AFDN: variants seen among roughly 807,000 people sequenced by gnomAD.
The protein encoded by AFDN is afadin.
A neutral mutation model predicts 216.6 loss-of-function variants in AFDN; 68 were observed. The ratio of observed to expected loss-of-function variants is 0.31; its 90% CI spans 0.26 to 0.38. The LOEUF is 0.38. Ranked by LOEUF, AFDN falls within the 10% of genes least tolerant of loss-of-function variation. The pLI is 1.00. For synonymous variants in AFDN, 868 were observed against 853.7 expected, an observed-to-expected ratio of 1.02 and a Z score of -0.29; for missense variants, 2,136 against 2,342.0, an observed-to-expected ratio of 0.91 and a Z score of 1.82.
At chr6:167,896,729 A>G (rs1788304494) in intron 9 of AFDN, 149 bp from the exon 10 acceptor site, 1 of 553,992 alleles carries the variant, frequency 1.8e-6, no homozygotes, top group Non-Finnish European at 3.2e-6. Context: ...AGTTTGTTAA[A>G]TTGTGTTACA....
At chr6:167,939,343 G>A (rs1284223562) in intron 23 of AFDN, among the ~76,000 whole-genome samples, 1 of 152,186 alleles carries the variant, frequency 6.6e-6, no homozygotes, top group African/African-American at 2.4e-5. Flanking sequence ...CTGATGTTCA[G>A]TAATCATTGC....
intron 11 of AFDN, among the ~76,000 whole-genome samples, chr6:167,900,851 C>T (rs1788855889): frequency 6.6e-6 from 1 of 152,126 alleles, no homozygotes; most frequent in Non-Finnish European, 1.5e-5. Context: ...AGGGCATTTC[C>T]ATGTTTTTGT....
At chr6:167,941,786 C>T (rs1438727858) in intron 23 of AFDN, among the ~76,000 whole-genome samples, 4 of 149,718 alleles carry the variant, frequency 2.7e-5, no homozygotes, top group Non-Finnish European at 5.9e-5. Flanking sequence ...AGGGTGGAAA[C>T]CATCCACAGG....
At chr6:167,847,756 A>G (rs1024290448) in intron 1 of AFDN, among the ~76,000 whole-genome samples, 6 of 152,094 alleles carry the variant, frequency 3.9e-5, no homozygotes, top group African/African-American at 1.4e-4. Flanking sequence ...CTTAGTCTTA[A>G]TTTATTTCCC....
At position 167,962,416 on chromosome 6, in the gene AFDN, T is replaced by C. The variant is rs1476800498; in HGVS notation, c.4834-17T>C. The C allele has an allele frequency of 5.0e-6, 8 of 1,612,984 alleles. No homozygotes were observed. The African/African-American group carries it at 9.3e-5, about 19-fold the overall frequency. ...GGTGGAGTTTGTGGAGGGAGATTAA[T>C]GTCAGCCTGTTGTTAGTTGCAGGAC... On this transcript the variant is annotated splice_polypyrimidine_tract_variant and intron_variant, in intron 30 of 33. Coordinates refer to ENST00000683244, the MANE Select transcript of AFDN (RefSeq NM_001386888.1). The surrounding 1 kb of genome is among the most constrained non-coding windows in gnomAD (Gnocchi z 5.2).
intron 1 of AFDN, among the ~76,000 whole-genome samples, chr6:167,844,084 TCTC>T (rs766433027): frequency 1.3e-5 from 2 of 152,180 alleles, no homozygotes; most frequent in South Asian, 2.1e-4. Context: ...GGTCTCCCTT[TCTC>T]CTCTGAATTC....
chr6:167,966,823 C>T lies in AFDN; in HGVS notation c.5257+778C>T, dbSNP rs75974696. Among the ~76,000 whole-genome samples, 659 of 152,320 alleles carry T rather than the reference C, an allele frequency of 4.3e-3. 4 individuals carry two copies. Among genetic ancestry groups the T allele is most frequent in the African/African-American group, 0.015 (622 of 41,576 alleles). ...GGTTCACTGTTGGCTTCATGACCTC[C>T]GTGCAGGCTGCCTCACGCCAGGGTC... On this transcript the variant is annotated intron_variant, in intron 32 of 33. Coordinates refer to ENST00000683244, the MANE Select transcript of AFDN (RefSeq NM_001386888.1).
intron 27 of AFDN, among the ~76,000 whole-genome samples, chr6:167,947,371 G>T (rs558746821): frequency 6.6e-4 from 101 of 152,140 alleles, no homozygotes; most frequent in African/African-American, 2.4e-3. Flanking sequence ...AGTAGAGACG[G>T]GGTTTCACCA....
In AFDN at chr6:167,889,331, T is replaced by C. The variant is rs199615291; in HGVS notation, c.1009+5T>C. On this transcript the variant is annotated splice_donor_5th_base_variant and intron_variant, in intron 7 of 33. Transcript: ENST00000683244. ...GGGAATGGCCAAGTGACAAAGGTAG[T>C]AACCTTATTAAAGGATTACTTACAC... 2 of 1,581,886 alleles carry C rather than the reference T, an allele frequency of 1.3e-6. No homozygotes were observed. Among genetic ancestry groups the C allele is most frequent in the African/African-American group, 2.7e-5 (2 of 74,436 alleles).
intron 1 of AFDN, among the ~76,000 whole-genome samples, chr6:167,861,859 C>G (rs556128577): frequency 6.6e-6 from 1 of 152,258 alleles, no homozygotes; most frequent in African/African-American, 2.4e-5. Flanking sequence ...CTGTTTTATT[C>G]TGATCACAAC....
rs182681647 is a variant in AFDN at position 167,962,285 on chromosome 6, C to A, written c.4834-148C>A. ...AAAAAATTGTAAAAAGTTTTATTTT[C>A]CAACAGTGATTTTAACCTGGTATTT... is the stretch of plus-strand genomic sequence containing the variant. On this transcript the variant is annotated intron_variant, in intron 30 of 33. Coordinates refer to ENST00000683244, the MANE Select transcript of AFDN (RefSeq NM_001386888.1). The surrounding 1 kb of genome is among the most constrained non-coding windows in gnomAD (Gnocchi z 5.2). The A allele has an allele frequency of 1.4e-3, 1,676 of 1,187,698 alleles. 4 individuals are homozygous for A. The highest frequency in any genetic ancestry group is 2.2e-3 in the Admixed American group (75 of 33,818). 73.6% of individuals were successfully genotyped at this position (1,187,698 alleles called of 1,614,324 possible).
chr6:167,854,500 G>A (rs192329910), intron 1 of AFDN, among the ~76,000 whole-genome samples: 34 of 151,994 alleles, frequency 2.2e-4, no homozygotes, highest in Admixed American at 3.9e-4. Context: ...TCAAGTCATG[G>A]TTAGGAAGCT....
intron 1 of AFDN, among the ~76,000 whole-genome samples, chr6:167,828,248 C>T (rs1779429789): frequency 6.6e-6 from 1 of 152,162 alleles, no homozygotes; most frequent in Admixed American, 6.5e-5. Flanking sequence ...AATACTAGCT[C>T]CTAGGCAACA....
chr6:167,924,924 T>C (rs1475360248), intron 22 of AFDN, 81 bp from the exon 23 acceptor site: 1 of 979,554 alleles, frequency 1.0e-6, no homozygotes, highest in African/African-American at 1.6e-5. Flanking sequence ...GTGAACATGA[T>C]TGACTAGATC....
intron 1 of AFDN, among the ~76,000 whole-genome samples, chr6:167,835,083 T>C (rs1342958071): frequency 6.6e-6 from 1 of 152,238 alleles, no homozygotes; most frequent in Non-Finnish European, 1.5e-5. Flanking sequence ...AAATATTGAT[T>C]CACTGAGTTA....
chr6:167,857,011 C>G (rs1782974065), intron 1 of AFDN, among the ~76,000 whole-genome samples: 1 of 151,984 alleles, frequency 6.6e-6, no homozygotes, highest in Admixed American at 6.6e-5. Flanking sequence ...GTTTACTACA[C>G]AGTAAAAAGT....
At chr6:167,897,030 T>G (rs1788345077) in intron 10 of AFDN, 58 bp downstream of exon 10, 3 of 910,880 alleles carry the variant, frequency 3.3e-6, no homozygotes, top group Non-Finnish European at 5.4e-6. Flanking sequence ...TAACGTATTG[T>G]ACAGAGCCTG....
intron 23 of AFDN, among the ~76,000 whole-genome samples, chr6:167,930,287 G>T (rs1349909859): frequency 6.6e-6 from 1 of 152,076 alleles, no homozygotes; most frequent in Non-Finnish European, 1.5e-5. Flanking sequence ...GCTCATGAAA[G>T]TTTTTTTTAC....
intron 33 of AFDN, 106 bp from the exon 34 acceptor site, chr6:167,969,676 C>CA: frequency 9.2e-7 from 1 of 1,088,354 alleles, no homozygotes; most frequent in Non-Finnish European, 1.3e-6. Context: ...CACAATTTAA[C>CA]AAAGAATGAG....
Sources: allele counts gnomAD v4.1 joint callset (sites outside exome capture counted in the v4.1 genomes callset), GRCh38; gene constraint gnomAD v4.1.1; non-coding constraint Gnocchi (gnomAD v3.1); transcripts MANE v1.5; gene names NCBI Gene and HGNC (gene_info 2026-07-23, HGNC 2026-07-21).